KALRN: variants seen among roughly 807,000 people sequenced by gnomAD.
KALRN encodes kalirin.
KALRN carries 70 observed loss-of-function variants against 353.7 expected under a neutral mutation model. The ratio of observed to expected loss-of-function variants is 0.20; its 90% confidence interval spans 0.16 to 0.24. The LOEUF (loss-of-function observed/expected upper bound fraction) is 0.24. Ranked by LOEUF, KALRN falls within the 10% of genes least tolerant of loss-of-function variation. The probability of loss-of-function intolerance (pLI) is 1.00; values close to 1 mark genes in which losing one functional copy is unlikely to be tolerated. For missense variants in KALRN, 2,791 were observed against 3,756.7 expected (o/e 0.74, Z 6.72); for synonymous variants, 1,391 against 1,434.8 (o/e 0.97, Z 0.69).
intron 33 of KALRN, among the ~76,000 whole-genome samples, chr3:124,560,279 C>CA (rs2071807401): frequency 6.6e-6 from 1 of 152,268 alleles, no homozygotes; most frequent in South Asian, 2.1e-4. Context: ...GAAAGGGCTG[C>CA]AAGTTGCATC....
chr3:124,094,727 A>T, intron 1 of KALRN: 1 of 879,662 alleles, frequency 1.1e-6, no homozygotes, highest in Non-Finnish European at 1.9e-6. Context: ...ATTTGCTTAG[A>T]GCAGGCTGTG....
intron 13 of KALRN, among the ~76,000 whole-genome samples, chr3:124,407,361 A>T (rs181991597): frequency 8.9e-4 from 135 of 152,216 alleles, no homozygotes; most frequent in African/African-American, 3.1e-3. Flanking sequence ...GCAGTTAAAC[A>T]TCCCTTCTTA....
intron 3 of KALRN, among the ~76,000 whole-genome samples, chr3:124,245,541 TTA>T (rs1491280602): frequency 3.6e-5 from 5 of 139,836 alleles, no homozygotes; most frequent in South Asian, 2.3e-4. Context: ...AATTTTATAT[TTA>T]TTTTTTTGAG....
chr3:124,703,404 TTTTG>T (rs913944035), intron 57 of KALRN, among the ~76,000 whole-genome samples: 5 of 152,246 alleles, frequency 3.3e-5, no homozygotes, highest in Admixed American at 6.5e-5. Context: ...CAAATGTTAT[TTTTG>T]TTTGTTTGAG....
In KALRN at chr3:124,306,728, G is replaced by A. The variant is rs79252353; in HGVS notation, c.1092+7815G>A. ...CAAAATACTGAAAGCCAAAGACAAG[G>A]AAAACCTTAAAAATAGCAAGAGGAA... On this transcript the variant is annotated intron_variant, in intron 6 of 59. Coordinates refer to ENST00000682506, the MANE Select transcript of KALRN (RefSeq NM_001388419.1). Among the ~76,000 whole-genome samples, 540 of 152,214 alleles carry A rather than the reference G, an allele frequency of 3.5e-3. 24 individuals are homozygous for A. In the East Asian group the frequency reaches 0.079, roughly 22 times the overall value.
At chr3:124,039,088 C>T (rs2039701382) in intron 1 of KALRN, among the ~76,000 whole-genome samples, 1 of 152,218 alleles carries the variant, frequency 6.6e-6, no homozygotes, top group South Asian at 2.1e-4. Flanking sequence ...CACACCACTG[C>T]TTGGTGCTTG....
intron 21 of KALRN, among the ~76,000 whole-genome samples, chr3:124,451,961 C>A (rs2058828659): frequency 6.6e-6 from 1 of 152,230 alleles, no homozygotes; most frequent in Admixed American, 6.5e-5. Flanking sequence ...TTTAAATCCT[C>A]AGGGAAACAA....
rs76898321 is a variant in KALRN at position 124,675,944 on chromosome 3, C to A, written c.7193+1330C>A. Among the ~76,000 whole-genome samples the A allele has an allele frequency of 9.2e-3, 1,407 of 152,260 alleles. 25 individuals are homozygous for A. Among genetic ancestry groups the A allele is most frequent in the African/African-American group, 0.032 (1,339 of 41,534 alleles). Reference sequence around the variant, plus strand: ...ACATCACCCTGGCCTCACTAGGTAACCACAGGCCCAGCCAAAAATCCACAG... The same window carrying A: ...ACATCACCCTGGCCTCACTAGGTAAACACAGGCCCAGCCAAAAATCCACAG... On this transcript the variant is annotated intron_variant, in intron 49 of 59. Coordinates refer to ENST00000682506, the MANE Select transcript of KALRN (RefSeq NM_001388419.1).
intron 1 of KALRN, among the ~76,000 whole-genome samples, chr3:124,129,152 T>G (rs570573953): frequency 6.6e-6 from 1 of 152,300 alleles, no homozygotes; most frequent in South Asian, 2.1e-4. Flanking sequence ...CTCAGGCAGC[T>G]TTTGTTTGAG....
intron 1 of KALRN, among the ~76,000 whole-genome samples, chr3:124,107,178 T>A (rs1368708602): frequency 2.6e-5 from 4 of 152,190 alleles, no homozygotes; most frequent in Non-Finnish European, 4.4e-5. Context: ...CTCCATATTT[T>A]ATAGACTATT....
At chr3:124,301,536 G>C (rs1480457102) in intron 6 of KALRN, among the ~76,000 whole-genome samples, 3 of 152,112 alleles carry the variant, frequency 2.0e-5, no homozygotes, top group Non-Finnish European at 4.4e-5. Flanking sequence ...GGATCAAATT[G>C]CTTGCCCGCC....
intron 33 of KALRN, among the ~76,000 whole-genome samples, chr3:124,499,744 T>C (rs1157033630): frequency 6.6e-6 from 1 of 152,234 alleles, no homozygotes; most frequent in Non-Finnish European, 1.5e-5. Flanking sequence ...TTAGTTATAG[T>C]CTATTACCGT....
chr3:124,575,858 G>A (rs937325682), intron 34 of KALRN, among the ~76,000 whole-genome samples: 4 of 152,076 alleles, frequency 2.6e-5, no homozygotes, highest in Admixed American at 6.6e-5. Flanking sequence ...CCCTTGCCTC[G>A]AGGTCCCTAA....
chr3:124,173,655 C>G (rs770660466), intron 1 of KALRN, among the ~76,000 whole-genome samples: 13 of 152,122 alleles, frequency 8.5e-5, no homozygotes, highest in Non-Finnish European at 1.5e-4. Flanking sequence ...CTCGCTCTGT[C>G]ACCAGGCTGG....
chr3:124,212,702 T>A (rs1488861681), intron 1 of KALRN, among the ~76,000 whole-genome samples: 3 of 152,166 alleles, frequency 2.0e-5, no homozygotes, highest in African/African-American at 4.8e-5. Flanking sequence ...TCTGAAAAGG[T>A]TGAAGCAATT....
chr3:124,327,688 G>A (rs1417674389), intron 7 of KALRN, among the ~76,000 whole-genome samples: 1 of 152,178 alleles, frequency 6.6e-6, no homozygotes, highest in Admixed American at 6.5e-5. Context: ...ATCACCTCAG[G>A]TGTGTTTTAC....
At chr3:124,669,704 G>A (rs924799840) in intron 47 of KALRN, among the ~76,000 whole-genome samples, 2 of 152,136 alleles carry the variant, frequency 1.3e-5, no homozygotes, top group African/African-American at 4.8e-5. Context: ...TATCCACAGG[G>A]AATTGGTTCC....
At chr3:124,386,791 T>G (rs1199893677) in intron 11 of KALRN, among the ~76,000 whole-genome samples, 2 of 152,226 alleles carry the variant, frequency 1.3e-5, no homozygotes, top group East Asian at 1.9e-4. Flanking sequence ...TTTGGTTTAT[T>G]GTAAGCACTC....
intron 3 of KALRN, among the ~76,000 whole-genome samples, chr3:124,248,293 A>G (rs999586965): frequency 1.3e-5 from 2 of 152,204 alleles, no homozygotes; most frequent in African/African-American, 2.4e-5. Context: ...CGGGATCTCT[A>G]TTTCAGACAT....
Sources: allele counts gnomAD v4.1 joint callset (sites outside exome capture counted in the v4.1 genomes callset), GRCh38; gene constraint gnomAD v4.1.1; transcripts MANE v1.5; gene names NCBI Gene and HGNC (gene_info 2026-07-23, HGNC 2026-07-21).